ADAM23: variants seen among roughly 807,000 people sequenced by gnomAD.
ADAM23 encodes disintegrin and metalloproteinase domain-containing protein 23.
In ADAM23, 33 loss-of-function variants were observed where a neutral mutation model predicts 120.1. The observed-to-expected ratio is 0.27, with a 90% confidence interval of 0.21 to 0.37. ADAM23 has a LOEUF of 0.37. Among genes scored for constraint, ADAM23 ranks in the 10% least tolerant of loss-of-function variants. ADAM23 has a pLI of 1.00. For synonymous variants in ADAM23, 367 were observed against 375.2 expected (o/e 0.98, Z 0.25); for missense variants, 862 against 1,058.2 (o/e 0.81, Z 2.57).
At chr2:206,445,882 T>C (rs991469776) in intron 2 of ADAM23, among the ~76,000 whole-genome samples, 1 of 152,198 alleles carries the variant, frequency 6.6e-6, no homozygotes, top group African/African-American at 2.4e-5. Flanking sequence ...TAAAACTGTC[T>C]CCCATGATAT....
intron 3 of ADAM23, among the ~76,000 whole-genome samples, chr2:206,505,319 T>A (rs529650576): frequency 6.6e-6 from 1 of 152,342 alleles, no homozygotes; most frequent in Non-Finnish European, 1.5e-5. Flanking sequence ...GTGTCCAAAG[T>A]GCCTTATATG....
At chr2:206,547,141 A>G (rs768495323) in intron 6 of ADAM23, among the ~76,000 whole-genome samples, 24 of 152,140 alleles carry the variant, frequency 1.6e-4, no homozygotes, top group Non-Finnish European at 3.5e-4. Flanking sequence ...TTACATGTTT[A>G]TTGACTTTTT....
At chr2:206,465,865 G>A (rs968753234) in intron 2 of ADAM23, among the ~76,000 whole-genome samples, 6 of 152,216 alleles carry the variant, frequency 3.9e-5, no homozygotes, top group African/African-American at 1.4e-4. Context: ...GAATCTTTTT[G>A]TTCCTGAATT....
At chr2:206,532,036 ATTAG>A (rs1697075332) in intron 4 of ADAM23, among the ~76,000 whole-genome samples, 1 of 152,136 alleles carries the variant, frequency 6.6e-6, no homozygotes, top group African/African-American at 2.4e-5. Context: ...TATCATTCTT[ATTAG>A]TTGTCAGTTC....
intron 2 of ADAM23, among the ~76,000 whole-genome samples, chr2:206,480,311 C>A (rs1403951487): frequency 6.6e-6 from 1 of 152,010 alleles, no homozygotes; most frequent in African/African-American, 2.4e-5. Flanking sequence ...GAGGGAGATG[C>A]CTGGTGTGTT....
intron 18 of ADAM23, among the ~76,000 whole-genome samples, chr2:206,576,070 C>G (rs1449182226): frequency 6.6e-6 from 1 of 152,080 alleles, no homozygotes; most frequent in East Asian, 1.9e-4. Context: ...GCCGTGTTTT[C>G]ATGATTTTTA....
At chr2:206,532,387 CA>C (rs1697083090) in intron 4 of ADAM23, among the ~76,000 whole-genome samples, 3 of 151,614 alleles carry the variant, frequency 2.0e-5, no homozygotes, top group Admixed American at 6.6e-5. Context: ...TTTGAGGTCC[CA>C]AAAGGAGACC....
At position 206,581,315 on chromosome 2, in the gene ADAM23, G is replaced by C. The variant is rs924980354; in HGVS notation, c.1738-6010G>C. 9.2e-5 allele frequency among the ~76,000 whole-genome samples: 14 copies of C among 152,134 alleles called. 1 individual carries two copies. Among genetic ancestry groups the C allele is most frequent in the Admixed American group, 4.6e-4 (7 of 15,270 alleles). ...TCTAGTTCCTTGAGGTATGACCTCA[G>C]ATTGTCTGTCTGTGCTCTTTCAGAC... is the stretch of plus-strand genomic sequence containing the variant. On this transcript the variant is annotated intron_variant, in intron 18 of 25. Transcript: ENST00000264377.
intron 5 of ADAM23, among the ~76,000 whole-genome samples, 194 bp from the exon 6 acceptor site, chr2:206,543,059 C>G (rs1382136158): frequency 6.6e-6 from 1 of 152,144 alleles, no homozygotes; most frequent in East Asian, 1.9e-4. Flanking sequence ...TTTATAGCCT[C>G]CATGCTGCCT....
intron 3 of ADAM23, among the ~76,000 whole-genome samples, chr2:206,526,260 T>G (rs1405656431): frequency 6.6e-6 from 1 of 152,166 alleles, no homozygotes; most frequent in East Asian, 1.9e-4. Flanking sequence ...TTCCAATTCC[T>G]AAATATAATA....
At position 206,523,235 on chromosome 2, in the gene ADAM23, G is replaced by A. The variant is rs530692543; in HGVS notation, c.510-7650G>A. ...TGGGACCATTACCTGAGATGCAGGA[G>A]TACCTACACATTTACATTTCCACTG... On this transcript the variant is annotated intron_variant, in intron 3 of 25. Transcript: ENST00000264377. 1.4e-4 allele frequency among the ~76,000 whole-genome samples: 22 copies of A among 152,264 alleles called. No homozygotes were observed. In the South Asian group the frequency reaches 4.6e-3, roughly 32 times the overall value.
chr2:206,492,342 G>A lies in ADAM23; in HGVS notation c.509+11034G>A, dbSNP rs150770236. Among the ~76,000 whole-genome samples the A allele has an allele frequency of 3.3e-5, 5 of 152,226 alleles. No homozygotes were observed. The East Asian group carries it at 9.7e-4, about 29-fold the overall frequency. On this transcript the variant is annotated intron_variant, in intron 3 of 25. Transcript: ENST00000264377. ...GTAAGCAAGAAACTTGGGACATGGA[G>A]TGAGAGAAAATGGAGGCTTTGAGAG...
intron 9 of ADAM23, 114 bp downstream of exon 9, chr2:206,550,274 T>TCAAGTGATAAATAA: frequency 2.0e-6 from 1 of 511,668 alleles, no homozygotes; most frequent in Non-Finnish European, 3.2e-6. Flanking sequence ...TATTCAGACA[T>TCAAGTGATAAATAA]ATTAAGTGAC....
intron 2 of ADAM23, among the ~76,000 whole-genome samples, chr2:206,462,404 T>C (rs1418662179): frequency 6.6e-6 from 1 of 152,222 alleles, no homozygotes; most frequent in East Asian, 1.9e-4. Flanking sequence ...TATTTTTAGA[T>C]CCTTCAACCT....
Position 206,560,075 on chromosome 2 carries a change from C to T in ADAM23, c.1126C>T (p.Arg376Trp), listed in dbSNP as rs536972155. 30 of 1,614,140 alleles carry T rather than the reference C, an allele frequency of 1.9e-5. No individual in the cohort carries two copies. Among genetic ancestry groups the T allele is most frequent in the African/African-American group, 1.7e-4 (13 of 75,050 alleles). ...GATGCTCCATGAGTTCTCAAAATACCGGCAGCGCATTAAGCAGCATGCTGA... is the reference window on the plus strand; with the variant it reads ...GATGCTCCATGAGTTCTCAAAATACTGGCAGCGCATTAAGCAGCATGCTGA... ...VQMLHEFSKY[R>W]QRIKQHADAV... Residue 376 changes from arginine (R) to tryptophan (W), a missense_variant, in exon 11 of 26, where the codon CGG (arginine) becomes TGG (tryptophan). By Grantham distance (101) the Arg-to-Trp change is moderately radical. This residue lies in a region of ADAM23 where 617 missense variants were observed against 813.5 expected (regional missense o/e 0.76). Coordinates refer to ENST00000264377, the MANE Select transcript of ADAM23 (RefSeq NM_003812.4).
intron 17 of ADAM23, among the ~76,000 whole-genome samples, chr2:206,572,581 C>G (rs72956628): frequency 0.011 from 1,679 of 152,316 alleles, 20 homozygotes; most frequent in Non-Finnish European, 0.019. Context: ...CTCTTTCCTT[C>G]ACCTTTTACC....
intron 2 of ADAM23, among the ~76,000 whole-genome samples, chr2:206,459,723 G>A (rs1011843460): frequency 6.6e-6 from 1 of 152,114 alleles, no homozygotes; most frequent in Non-Finnish European, 1.5e-5. Flanking sequence ...ACTCTTGATT[G>A]TACTATCATC....
At chr2:206,582,850 A>G (rs372276534) in intron 18 of ADAM23, among the ~76,000 whole-genome samples, 21 of 152,188 alleles carry the variant, frequency 1.4e-4, no homozygotes, top group Non-Finnish European at 3.1e-4. Flanking sequence ...TTCTTGGCTA[A>G]TAACTGTTTG....
intron 3 of ADAM23, among the ~76,000 whole-genome samples, chr2:206,518,523 G>A (rs1696779736): frequency 6.6e-6 from 1 of 152,068 alleles, no homozygotes; most frequent in Admixed American, 6.6e-5. Flanking sequence ...TGACTCTCAG[G>A]TTTTTAAAAT....
Sources: gnomAD v4.1 joint callset for allele counts (sites outside exome capture counted in the v4.1 genomes callset) on GRCh38, gnomAD v4.1.1 for gene constraint, gnomAD v4.1.1 regional missense constraint, MANE v1.5 for transcripts, NCBI Gene and HGNC (gene_info 2026-07-23, HGNC 2026-07-21) for gene names.